SSC5D: variants seen among roughly 807,000 people sequenced by gnomAD.
SSC5D encodes the protein soluble scavenger receptor cysteine-rich domain-containing protein SSC5D.
In SSC5D, 106 loss-of-function variants were observed where a neutral mutation model predicts 104.6. The ratio of observed to expected loss-of-function variants is 1.01; its 90% CI spans 0.87 to 1.19. SSC5D has a LOEUF of 1.19. SSC5D is among the 50% of genes most tolerant of loss of function. The pLI is 0.00. For missense variants in SSC5D, 1,993 were observed against 2,153.8 expected (o/e 0.93, Z 1.48); for synonymous variants, 860 against 883.5 (o/e 0.97, Z 0.47).
chr19:55,507,730 A>G (rs1425803452), intron 12 of SSC5D, among the ~76,000 whole-genome samples: 2 of 150,832 alleles, frequency 1.3e-5, no homozygotes, highest in Admixed American at 1.3e-4. Context: ...CATTTAAGTG[A>G]GAAGGCCCTG....
intron 9 of SSC5D, among the ~76,000 whole-genome samples, chr19:55,499,123 A>G (rs1430779233): frequency 6.6e-6 from 1 of 152,216 alleles, no homozygotes; most frequent in Admixed American, 6.5e-5. Flanking sequence ...TCACACTGTT[A>G]GCATAGGCGA....
intron 7 of SSC5D, 71 bp downstream of exon 7, chr19:55,493,983 G>GGGCC: frequency 3.4e-6 from 1 of 294,650 alleles, no homozygotes. Context: ...AAGTTCGGCG[G>GGGCC]GGGCGGGGGG....
intron 12 of SSC5D, among the ~76,000 whole-genome samples, chr19:55,502,008 T>A (rs911514428): frequency 2.0e-5 from 3 of 152,164 alleles, no homozygotes; most frequent in African/African-American, 7.2e-5. Context: ...GCCCAAGCGA[T>A]CCTCCTGCCT....
Position 55,493,853 on chromosome 19 carries a change from C to A in SSC5D, c.1154C>A (p.Ala385Asp). Residue 385 changes from alanine (A) to aspartate (D), a missense_variant, in exon 7 of 14, where the codon GCT becomes GAT. Ala to Asp is a moderately radical substitution (Grantham distance 126, BLOSUM62 -2). Coordinates refer to ENST00000389623, the MANE Select transcript of SSC5D (RefSeq NM_001144950.2). ...GNETALRFCP[A>D]RPWGQHDCHH... ...GAGACGGCCTTACGATTCTGCCCAG[C>A]TCGGCCCTGGGGCCAGCATGACTGT... 1 of 1,549,362 alleles carries A rather than the reference C, an allele frequency of 6.5e-7. No homozygotes were observed. Among genetic ancestry groups the A allele is most frequent in the South Asian group, 1.2e-5 (1 of 84,058 alleles).
chr19:55,489,487 C>T lies in SSC5D; in HGVS notation c.186C>T (p.Gly62=). 1 of 1,473,344 alleles carries T rather than the reference C, an allele frequency of 6.8e-7. No individual in the cohort carries two copies. The highest frequency in any genetic ancestry group is 8.9e-7 in the Non-Finnish European group (1 of 1,119,364). The allele number at this position is 1,473,344 out of a possible 1,614,324, so 91.3% of individuals were successfully genotyped here. Residue 62 remains glycine (G), a synonymous_variant, in exon 3 of 14, where the codon GGC becomes GGT. Transcript: ENST00000389623. The stretch of plus-strand genomic sequence containing the variant: ...CCGCCGTGGCCTGCCGGCAGCTGGG[C>T]TGCGGAGGGGCACTGGCCGCCCCGG... ...RDAAVACRQL[G]CGGALAAPGG...
chr19:55,504,964 A>G (rs1201748647), intron 12 of SSC5D, among the ~76,000 whole-genome samples: 1 of 152,142 alleles, frequency 6.6e-6, no homozygotes, highest in East Asian at 1.9e-4. Context: ...AGAGAAGTTT[A>G]ACTTAGGAGC....
Position 55,510,406 on chromosome 19 carries a change from T to C in SSC5D, c.2786-2605T>C, listed in dbSNP as rs185376380. Among the ~76,000 whole-genome samples the C allele has an allele frequency of 2.9e-3, 446 of 152,324 alleles. 5 individuals carry two copies. Among genetic ancestry groups the C allele is most frequent in the African/African-American group, 0.01 (420 of 41,564 alleles). On this transcript the variant is annotated intron_variant, in intron 12 of 13. Coordinates refer to ENST00000389623, the MANE Select transcript of SSC5D (RefSeq NM_001144950.2). ...TCTTGTTGCCCAGGCTTGAGTGCAG[T>C]GACATGATCTTGGCTCACTGCAACT... is the stretch of plus-strand genomic sequence containing the variant.
chr19:55,491,435 C>T (rs1434725289), intron 6 of SSC5D: 2 of 236,626 alleles, frequency 8.5e-6, no homozygotes, highest in Admixed American at 1.0e-4. Context: ...CCTGCCTGCC[C>T]TCTGCCACCG....
chr19:55,516,233 C>T lies in SSC5D; in HGVS notation c.2948-991C>T, dbSNP rs1215464032. Among the ~76,000 whole-genome samples, 2 of 151,782 alleles carry T rather than the reference C, an allele frequency of 1.3e-5. 1 individual carries two copies. The highest frequency in any genetic ancestry group is 4.1e-4 in the South Asian group (2 of 4,820). On this transcript the variant is annotated intron_variant, in intron 13 of 13. Coordinates refer to ENST00000389623, the MANE Select transcript of SSC5D (RefSeq NM_001144950.2). ...TAACTGAAGGCCGGGCGCGATGGCT[C>T]ATGCCTGTAATCCCAGCACTTTGGG...
intron 13 of SSC5D, among the ~76,000 whole-genome samples, chr19:55,514,613 A>G (rs940374520): frequency 4.2e-4 from 62 of 148,986 alleles, no homozygotes; most frequent in Admixed American, 7.3e-4. Context: ...AAAAAAAAAA[A>G]AGAGAGAGAG....
intron 2 of SSC5D, 152 bp from the exon 3 acceptor site, chr19:55,489,202 G>C (rs1987054685): frequency 9.7e-7 from 1 of 1,033,358 alleles, no homozygotes; most frequent in Non-Finnish European, 1.3e-6. Flanking sequence ...GCATCTCTCT[G>C]AGCACCCAGG....
chr19:55,490,396 G>A lies in SSC5D; in HGVS notation c.574G>A (p.Ala192Thr). The A allele has an allele frequency of 1.4e-6, 2 of 1,422,816 alleles. No individual in the cohort carries two copies. Among genetic ancestry groups the A allele is most frequent in the Non-Finnish European group, 1.9e-6 (2 of 1,048,962 alleles). 88.1% of individuals were successfully genotyped at this position (1,422,816 alleles called of 1,614,324 possible). ...CCGGGCCCCTCTGCTGACGACAGGA[G>A]CCCCCCGCCAAGGTAAGCTCCCTGC... ...STRAPLLTTGAPRQERLRLVS... is the reference protein window; with the variant it reads ...STRAPLLTTGTPRQERLRLVS... The change falls in exon 5 of 14, where the codon GCC becomes ACC. Residue 192 changes from alanine (A) to threonine (T), a missense_variant. Physicochemically the swap from Ala to Thr is moderately conservative, Grantham distance 58. Coordinates refer to ENST00000389623, the MANE Select transcript of SSC5D (RefSeq NM_001144950.2).
chr19:55,493,956 G>C, intron 7 of SSC5D, 44 bp downstream of exon 7: 2 of 1,016,044 alleles, frequency 2.0e-6, no homozygotes, highest in Non-Finnish European at 2.7e-6. Flanking sequence ...GCGTGGTGGT[G>C]CTTGGAGCGG....
chr19:55,501,218 G>C lies in SSC5D; in HGVS notation c.2785+17G>C, dbSNP rs1417665326. On this transcript the variant is annotated intron_variant, in intron 12 of 13. Transcript: ENST00000389623. ...CGGACACAGGTGAGAGGCCTGATTGGGGTGGCCATGGAGGGCCTCCATAAA... is the reference window on the plus strand; with the variant it reads ...CGGACACAGGTGAGAGGCCTGATTGCGGTGGCCATGGAGGGCCTCCATAAA... The C allele has an allele frequency of 6.7e-7, 1 of 1,490,730 alleles. No individual in the cohort carries two copies. The allele number at this position is 1,490,730 out of a possible 1,614,324, so 92.3% of individuals were successfully genotyped here.
chr19:55,515,489 T>C (rs558009869), intron 13 of SSC5D, among the ~76,000 whole-genome samples: 3 of 151,510 alleles, frequency 2.0e-5, no homozygotes, highest in South Asian at 2.1e-4. Context: ...TCCCAGCACT[T>C]TGGGAGGCCG....
Position 55,494,692 on chromosome 19 carries a change from G to C in SSC5D, c.1296G>C (p.Pro432=). The part of the protein sequence containing the change: ...STPREAASRP[P]STMTSQAPGT... ...CCAGGGAGGCTGCCTCCAGGCCCCC[G>C]TCCACCATGACGAGCCAGGCTCCAG... The change falls in exon 8 of 14, where the codon CCG becomes CCC. Residue 432 remains proline (P), a synonymous_variant. Transcript: ENST00000389623. The C allele has an allele frequency of 6.5e-7, 1 of 1,550,196 alleles. No individual in the cohort carries two copies. The highest frequency in any genetic ancestry group is 2.5e-5 in the East Asian group (1 of 40,778).
In SSC5D at chr19:55,503,419, C is replaced by T. The variant is rs936581033; in HGVS notation, c.2785+2218C>T. Among the ~76,000 whole-genome samples, 3 of 152,064 alleles carry T rather than the reference C, an allele frequency of 2.0e-5. No homozygotes were observed. The highest frequency in any genetic ancestry group is 4.4e-5 in the Non-Finnish European group (3 of 68,016). On this transcript the variant is annotated intron_variant, in intron 12 of 13. Coordinates refer to ENST00000389623, the MANE Select transcript of SSC5D (RefSeq NM_001144950.2). The surrounding 1 kb of genome is among the most constrained non-coding windows in gnomAD (Gnocchi z 4.0). ...GTGGTATCTTTTCCTTTGTCTCTTA[C>T]GGTTGTTTTCTGAGTCTCCATCTCC... is the stretch of plus-strand genomic sequence containing the variant.
chr19:55,490,909 G>C lies in SSC5D; in HGVS notation c.724G>C (p.Gly242Arg), dbSNP rs1342844240. The C allele has an allele frequency of 3.2e-6, 5 of 1,544,202 alleles. No individual in the cohort carries two copies. Among genetic ancestry groups the C allele is most frequent in the East Asian group, 2.5e-5 (1 of 40,740 alleles). The change falls in exon 6 of 14, where the codon GGG (glycine) becomes CGG (arginine). Residue 242 changes from glycine to arginine, a missense_variant. By Grantham distance (125) the Gly-to-Arg change is moderately radical. Coordinates refer to ENST00000389623, the MANE Select transcript of SSC5D (RefSeq NM_001144950.2). ...TGTAGCCTGCCGGGAACTGGGCTGT[G>C]GGGGGGCGCTGGCTGCCCCCGGCGG... ...AAVACRELGC[G>R]GALAAPGGAR...
At chr19:55,506,418 G>A (rs1333940499) in intron 12 of SSC5D, among the ~76,000 whole-genome samples, 18 of 101,028 alleles carry the variant, frequency 1.8e-4, no homozygotes, top group African/African-American at 4.7e-4. Flanking sequence ...TTTTTGAGAC[G>A]GAGTCTCGCT....
Sources: gnomAD v4.1 joint callset for allele counts (sites outside exome capture counted in the v4.1 genomes callset) on GRCh38, gnomAD v4.1.1 for gene constraint, Gnocchi (gnomAD v3.1) non-coding constraint, MANE v1.5 for transcripts, NCBI Gene and HGNC (gene_info 2026-07-23, HGNC 2026-07-21) for gene names.